CSMD1: variants seen among roughly 807,000 people sequenced by gnomAD.
CSMD1 encodes CUB and Sushi multiple domains 1, also known as CUB and sushi domain-containing protein 1.
A neutral mutation model predicts 417.5 loss-of-function variants in CSMD1; 213 were observed. The observed-to-expected ratio is 0.51, with a 90% CI of 0.46 to 0.57. The LOEUF is 0.57. Among genes scored for constraint, CSMD1 ranks in the 20% least tolerant of loss-of-function variants. The pLI, the probability that CSMD1 is intolerant of heterozygous loss-of-function variation, is 0.00. For missense variants in CSMD1, 6,923 were observed against 4,529.7 expected (o/e 1.53, Z -15.17); for synonymous variants, 2,862 against 1,736.8 (o/e 1.65, Z -16.11).
intron 1 of CSMD1, among the ~76,000 whole-genome samples, chr8:4,840,673 C>A (rs1023821749): frequency 6.6e-6 from 1 of 152,150 alleles, no homozygotes; most frequent in African/African-American, 2.4e-5. Flanking sequence ...AAAAAAGGTG[C>A]CTGTTATTAC....
At chr8:4,113,613 C>G (rs943233784) in intron 3 of CSMD1, among the ~76,000 whole-genome samples, 3 of 151,976 alleles carry the variant, frequency 2.0e-5, no homozygotes, top group African/African-American at 7.3e-5. Context: ...ACTGTGTTAG[C>G]CAGGATGGTC....
Position 4,438,453 on chromosome 8 carries a change from G to A in CSMD1, c.303-18388C>T, listed in dbSNP as rs1221899786. Among the ~76,000 whole-genome samples the A allele has an allele frequency of 3.3e-5, 5 of 152,298 alleles. No homozygotes were observed. In the South Asian group the frequency reaches 6.2e-4, roughly 19 times the overall value. ...ATCCACATGACGCTGAATGTTAACT[G>A]GGACATGTGGCAATGGACCAACGCT... On this transcript the variant is annotated intron_variant, in intron 2 of 69. Transcript: ENST00000635120.
At chr8:3,649,622 C>T (rs2469404) in intron 7 of CSMD1, among the ~76,000 whole-genome samples, 65,119 of 151,964 alleles carry the variant, frequency 0.43, 14,151 homozygotes, top group Middle Eastern at 0.47. Context: ...ACTTACTCAC[C>T]ATCATGAGAA....
intron 23 of CSMD1, among the ~76,000 whole-genome samples, chr8:3,314,271 C>G (rs180896553): frequency 6.6e-4 from 100 of 152,280 alleles, no homozygotes; most frequent in Non-Finnish European, 1.1e-3. Flanking sequence ...AAATAAATCT[C>G]AAGTTTTTAA....
chr8:3,586,860 C>T (rs1305826720), intron 8 of CSMD1, among the ~76,000 whole-genome samples: 2 of 152,174 alleles, frequency 1.3e-5, no homozygotes, highest in Non-Finnish European at 2.9e-5. Context: ...AGTGCAGTGG[C>T]ACGACCTTGG....
intron 18 of CSMD1, among the ~76,000 whole-genome samples, chr8:3,381,137 G>C (rs911267456): frequency 5.9e-5 from 9 of 152,002 alleles, no homozygotes; most frequent in Admixed American, 4.6e-4. Context: ...ATGATGAACA[G>C]GGTGCGTTCA....
At chr8:3,167,252 C>G (rs1820283493) in intron 37 of CSMD1, among the ~76,000 whole-genome samples, 2 of 148,594 alleles carry the variant, frequency 1.3e-5, no homozygotes, top group Admixed American at 1.4e-4. Context: ...ACACTGCACT[C>G]CAGCCTGAGT....
intron 3 of CSMD1, among the ~76,000 whole-genome samples, chr8:4,242,677 C>G (rs905745828): frequency 2.0e-5 from 3 of 151,706 alleles, no homozygotes; most frequent in Admixed American, 6.6e-5. Flanking sequence ...TTCACAGACC[C>G]CAATCCAGGG....
chr8:3,757,267 G>C (rs568965060), intron 5 of CSMD1, among the ~76,000 whole-genome samples: 1 of 152,210 alleles, frequency 6.6e-6, no homozygotes, highest in East Asian at 1.9e-4. Context: ...TTCTGTAAAG[G>C]GCCAGGGAGT....
chr8:3,484,527 G>A (rs1817915421), intron 11 of CSMD1, among the ~76,000 whole-genome samples: 1 of 152,138 alleles, frequency 6.6e-6, no homozygotes, highest in South Asian at 2.1e-4. Context: ...GTACAGCTAG[G>A]CAAAGAATCC....
intron 37 of CSMD1, among the ~76,000 whole-genome samples, chr8:3,174,443 T>G (rs1563110529): frequency 6.6e-6 from 1 of 152,150 alleles, no homozygotes; most frequent in African/African-American, 2.4e-5. Context: ...TGAAGTGAGC[T>G]GAGATCATGC....
rs111501253 is a variant in CSMD1, at chr8:3,685,355, A to G, written c.1009+23059T>C. On this transcript the variant is annotated intron_variant, in intron 7 of 69. Coordinates refer to ENST00000635120, the MANE Select transcript of CSMD1 (RefSeq NM_033225.6). ...TTTGAATCTTCATTACACATCATCA[A>G]ACTGTTACCTAAACACCAGGGGTCC... Among the ~76,000 whole-genome samples the G allele has an allele frequency of 4.3e-3, 647 of 152,204 alleles. 8 individuals are homozygous for G. The highest frequency in any genetic ancestry group is 6.8e-3 in the Middle Eastern group (2 of 294).
At chr8:4,155,855 A>C (rs1261281738) in intron 3 of CSMD1, among the ~76,000 whole-genome samples, 2 of 152,176 alleles carry the variant, frequency 1.3e-5, no homozygotes, top group Non-Finnish European at 2.9e-5. Context: ...GCAAAATGAA[A>C]CAACAAAAAA....
At chr8:3,877,158 A>G (rs1805879082) in intron 5 of CSMD1, among the ~76,000 whole-genome samples, 1 of 152,024 alleles carries the variant, frequency 6.6e-6, no homozygotes, top group Non-Finnish European at 1.5e-5. Context: ...CCCTTCCTCT[A>G]CCTTTCCTAC....
At chr8:3,900,394 T>C (rs562340851) in intron 5 of CSMD1, among the ~76,000 whole-genome samples, 1 of 150,212 alleles carries the variant, frequency 6.7e-6, no homozygotes, top group African/African-American at 2.5e-5. Flanking sequence ...TGGGTGACAG[T>C]ATAGGTGGGT....
chr8:4,313,968 T>TGC lies in CSMD1; in HGVS notation c.415+105983_415+105984dup, dbSNP rs569153699. On this transcript the variant is annotated intron_variant, in intron 3 of 69. Transcript: ENST00000635120. ...GGCAGAGGTTGCAGCGAGCCGAGAC[T>TGC]GCGCCCCTGCACTCCAGCCTGGGCA... 2.8e-3 allele frequency among the ~76,000 whole-genome samples: 419 copies of TGC among 151,718 alleles called. 4 individuals are homozygous for TGC. Among genetic ancestry groups the TGC allele is most frequent in the African/African-American group, 9.9e-3 (410 of 41,364 alleles).
At chr8:4,299,946 G>T (rs1198059668) in intron 3 of CSMD1, among the ~76,000 whole-genome samples, 3 of 152,114 alleles carry the variant, frequency 2.0e-5, no homozygotes, top group Non-Finnish European at 4.4e-5. Flanking sequence ...TATTTTTCAA[G>T]TTATAAATAC....
chr8:4,342,493 A>C (rs1039956331), intron 3 of CSMD1, among the ~76,000 whole-genome samples: 6 of 152,088 alleles, frequency 3.9e-5, no homozygotes, highest in African/African-American at 1.4e-4. Context: ...GGACTAAATC[A>C]GCCAGGGTAG....
chr8:4,695,907 T>G (rs1046504842), intron 1 of CSMD1, among the ~76,000 whole-genome samples: 1 of 152,232 alleles, frequency 6.6e-6, no homozygotes, highest in African/African-American at 2.4e-5. Context: ...TTGCCAAATT[T>G]AATAACATTT....
Sources: allele counts gnomAD v4.1 joint callset (sites outside exome capture counted in the v4.1 genomes callset), GRCh38; gene constraint gnomAD v4.1.1; transcripts MANE v1.5; gene names NCBI Gene and HGNC (gene_info 2026-07-23, HGNC 2026-07-21).